RMDN2: variants seen among roughly 807,000 people sequenced by gnomAD.
The protein encoded by RMDN2 is regulator of microtubule dynamics 2.
In RMDN2, 61 loss-of-function variants were observed where a neutral mutation model predicts 52.8. The ratio of observed to expected loss-of-function variants is 1.16; its 90% CI spans 0.94 to 1.43. RMDN2 has a LOEUF of 1.43. Ranked by LOEUF, RMDN2 falls within the 40% of genes most tolerant of loss-of-function variation. RMDN2 has a pLI of 0.00. For missense variants in RMDN2, 592 were observed against 475.3 expected (o/e 1.25, Z -2.28); for synonymous variants, 180 against 153.1 (o/e 1.18, Z -1.30).
intron 2 of RMDN2, among the ~76,000 whole-genome samples, chr2:37,931,552 G>T (rs922583857): frequency 6.6e-6 from 1 of 152,228 alleles, no homozygotes; most frequent in Admixed American, 6.5e-5. Context: ...GACCAAAAGG[G>T]TGAATGGCCT....
intron 2 of RMDN2, among the ~76,000 whole-genome samples, chr2:37,969,039 T>G (rs1054145543): frequency 7.0e-6 from 1 of 142,786 alleles, no homozygotes. Context: ...CACAGCTGGG[T>G]TTTTTTTTTT....
At position 37,935,949 on chromosome 2, in the gene RMDN2, G is replaced by T. The variant is rs143303469; in HGVS notation, c.452+6220G>T. ...GTTCTGGGATACATGTGCAGAACGT[G>T]CAGGTTTGTTAACATAGGTAGACAT... On this transcript the variant is annotated intron_variant, in intron 2 of 10. Coordinates refer to ENST00000354545, the MANE Select transcript of RMDN2 (RefSeq NM_001170791.3). 4.2e-3 allele frequency among the ~76,000 whole-genome samples: 640 copies of T among 152,198 alleles called. 8 individuals carry two copies. The highest frequency in any genetic ancestry group is 0.014 in the African/African-American group (586 of 41,516).
chr2:37,960,139 C>G (rs577714737), intron 2 of RMDN2, among the ~76,000 whole-genome samples: 11 of 152,206 alleles, frequency 7.2e-5, no homozygotes, highest in African/African-American at 2.6e-4. Flanking sequence ...GTGGAGAGTT[C>G]TGTAGATGTC....
At chr2:37,948,070 T>C (rs564380718) in intron 2 of RMDN2, among the ~76,000 whole-genome samples, 85 of 152,282 alleles carry the variant, frequency 5.6e-4, no homozygotes, top group African/African-American at 1.9e-3. Flanking sequence ...TCATGACCCG[T>C]ATGTTCTGGA....
At position 38,040,272 on chromosome 2, in the gene RMDN2, G is replaced by A. The variant is rs115069485; in HGVS notation, c.1714-26710G>A. Among the ~76,000 whole-genome samples, 1,050 of 151,960 alleles carry A rather than the reference G, an allele frequency of 6.9e-3. 15 individuals are homozygous for A. The highest frequency in any genetic ancestry group is 0.024 in the African/African-American group (1,005 of 41,426). ...ACCACGCTGTCTTTATAACTTTATA[G>A]CTGTATAGTTAGTTTTTGCTATGGT... On this transcript the variant is annotated intron_variant, in intron 10 of 10. Transcript: ENST00000234195.
At chr2:37,953,845 G>C (rs1669137297) in intron 2 of RMDN2, among the ~76,000 whole-genome samples, 1 of 151,906 alleles carries the variant, frequency 6.6e-6, no homozygotes, top group South Asian at 2.1e-4. Flanking sequence ...CCACTACCTT[G>C]CCAACACTTA....
At chr2:37,933,259 C>T (rs1013586765) in intron 2 of RMDN2, among the ~76,000 whole-genome samples, 1 of 151,620 alleles carries the variant, frequency 6.6e-6, no homozygotes, top group African/African-American at 2.4e-5. Flanking sequence ...GGGATGGCGG[C>T]CGGGCAGAGA....
At chr2:38,052,315 G>A (rs936538779) in intron 10 of RMDN2, among the ~76,000 whole-genome samples, 1 of 152,048 alleles carries the variant, frequency 6.6e-6, no homozygotes, top group East Asian at 1.9e-4. Flanking sequence ...GGCCATTTGT[G>A]TGTCTTCTTT....
intron 10 of RMDN2, chr2:38,036,443 C>T (rs1028759124): frequency 6.6e-6 from 1 of 152,168 alleles, no homozygotes; most frequent in African/African-American, 2.4e-5. Flanking sequence ...CTTTTATGTT[C>T]CGGAGTCCTG....
chr2:38,016,737 AC>A (rs1573118370), intron 10 of RMDN2, among the ~76,000 whole-genome samples: 1 of 152,006 alleles, frequency 6.6e-6, no homozygotes, highest in East Asian at 1.9e-4. Context: ...TAAACCCTAC[AC>A]CCTTCAGGCA....
chr2:37,946,555 A>G (rs1668237704), intron 2 of RMDN2, among the ~76,000 whole-genome samples: 2 of 152,224 alleles, frequency 1.3e-5, no homozygotes, highest in African/African-American at 4.8e-5. Context: ...AAGTATTTGC[A>G]TTAATGATGA....
rs1206223539 is a variant in RMDN2, at chr2:38,017,243, A to C, written c.*4A>C. The C allele has an allele frequency of 6.5e-7, 1 of 1,530,574 alleles. No individual in the cohort carries two copies. The highest frequency in any genetic ancestry group is 2.1e-5 in the Admixed American group (1 of 48,186). The allele number at this position is 1,530,574 out of a possible 1,614,324, so 94.8% of individuals were successfully genotyped here. A position where few individuals can be genotyped will look rare whatever the true frequency, so the allele number is the denominator to read the frequency against. The stretch of plus-strand genomic sequence containing the variant: ...AATGACTTCCTTGAAGAGGTAAATA[A>C]ACGAATTTACTCTTCAACAAATCAG... On this transcript the variant is annotated 3_prime_UTR_variant, in exon 11 of 11. Transcript: ENST00000354545.
chr2:37,982,359 C>T (rs1673435443), intron 5 of RMDN2, among the ~76,000 whole-genome samples: 1 of 152,198 alleles, frequency 6.6e-6, no homozygotes, highest in African/African-American at 2.4e-5. Flanking sequence ...TTTGTCCGAA[C>T]TCAAAGGGAC....
At chr2:37,970,201 A>G (rs2125056655) in intron 2 of RMDN2, among the ~76,000 whole-genome samples, 1 of 152,256 alleles carries the variant, frequency 6.6e-6, no homozygotes, top group East Asian at 1.9e-4. Context: ...TGCTGGGAAT[A>G]TACCGCACCT....
At chr2:38,018,020 A>G (rs1679036179), downstream of RMDN2, among the ~76,000 whole-genome samples, 1 of 152,320 alleles carries the variant, frequency 6.6e-6, no homozygotes, top group East Asian at 1.9e-4. Flanking sequence ...AGATAATGTC[A>G]TCAGTTAAGG....
chr2:37,974,197 C>T lies in RMDN2; in HGVS notation c.610C>T (p.Arg204Cys), dbSNP rs201237503. ...SGKSESFELL[R>C]DHKEKFRDEI... is the part of the protein sequence containing the mutation. ...CAAGTCGGAGAGTTTTGAACTACTT[C>T]GTGACCACAAAGAAAAGGTAAGAGA... The change falls in exon 3 of 11, where the codon CGT becomes TGT. Residue 204 changes from arginine to cysteine, a missense_variant. Coordinates refer to ENST00000354545, the MANE Select transcript of RMDN2 (RefSeq NM_001170791.3). The T allele has an allele frequency of 2.5e-4, 399 of 1,610,770 alleles. No individual in the cohort carries two copies. The highest frequency in any genetic ancestry group is 3.1e-4 in the Non-Finnish European group (360 of 1,178,652).
intron 10 of RMDN2, among the ~76,000 whole-genome samples, chr2:38,007,659 C>G (rs1046156151): frequency 6.6e-6 from 1 of 152,126 alleles, no homozygotes; most frequent in Non-Finnish European, 1.5e-5. Flanking sequence ...AAAATCAGCT[C>G]CTGGATTCAT....
intron 2 of RMDN2, chr2:37,951,620 T>G (rs1220160224): frequency 6.2e-7 from 1 of 1,613,410 alleles, no homozygotes; most frequent in Non-Finnish European, 8.5e-7. Flanking sequence ...TAAGTATAGT[T>G]TCCTATTACA....
chr2:37,992,087 T>C (rs1674879758), intron 7 of RMDN2, among the ~76,000 whole-genome samples: 1 of 152,214 alleles, frequency 6.6e-6, no homozygotes, highest in East Asian at 1.9e-4. Flanking sequence ...TTCTGTCCTT[T>C]ATATTTCTTG....
Sources: allele counts gnomAD v4.1 joint callset (sites outside exome capture counted in the v4.1 genomes callset), GRCh38; gene constraint gnomAD v4.1.1; transcripts MANE v1.5; gene names NCBI Gene and HGNC (gene_info 2026-07-23, HGNC 2026-07-21).